The following MYO5A variants were observed in gnomAD, a reference collection of about 807,000 sequenced individuals.
MYO5A encodes the protein myosin VA, also known as unconventional myosin-Va.
A neutral mutation model predicts 249.7 loss-of-function variants in MYO5A; 98 were observed. The ratio of observed to expected loss-of-function variants is 0.39; its 90% CI spans 0.33 to 0.46. The LOEUF is 0.46. MYO5A is among the 20% of genes least tolerant of loss of function. The pLI is 0.98. For missense variants in MYO5A, 1,696 were observed against 2,308.8 expected (o/e 0.73, Z 5.44); for synonymous variants, 778 against 810.6 (o/e 0.96, Z 0.68).
chr15:52,368,378 T>C (rs961711757), intron 22 of MYO5A, among the ~76,000 whole-genome samples: 1 of 152,300 alleles, frequency 6.6e-6, no homozygotes, highest in Non-Finnish European at 1.5e-5. Flanking sequence ...CAATCACCTA[T>C]GGTACTTTTT....
intron 28 of MYO5A, among the ~76,000 whole-genome samples, chr15:52,349,482 C>T (rs1021437625): frequency 6.6e-6 from 1 of 152,058 alleles, no homozygotes; most frequent in African/African-American, 2.4e-5. Flanking sequence ...TCAGTTGGAC[C>T]GGGTCAGCCC....
intron 1 of MYO5A, among the ~76,000 whole-genome samples, chr15:52,519,211 C>T (rs918917965): frequency 1.3e-4 from 20 of 151,952 alleles, no homozygotes; most frequent in South Asian, 2.1e-4. Flanking sequence ...AAGAGAATAA[C>T]GTATGCAAGC....
At chr15:52,475,837 T>C (rs551675852) in intron 1 of MYO5A, among the ~76,000 whole-genome samples, 1 of 152,218 alleles carries the variant, frequency 6.6e-6, no homozygotes, top group Non-Finnish European at 1.5e-5. Context: ...ATAAGTGCAA[T>C]GTGGTGCTGA....
chr15:52,434,013 T>G (rs2075604077), intron 1 of MYO5A, among the ~76,000 whole-genome samples: 1 of 150,402 alleles, frequency 6.6e-6, no homozygotes, highest in South Asian at 2.1e-4. Flanking sequence ...TTTTTTTTTT[T>G]TTTTGAGATA....
At chr15:52,511,703 T>C (rs1407509982) in intron 1 of MYO5A, among the ~76,000 whole-genome samples, 1 of 152,228 alleles carries the variant, frequency 6.6e-6, no homozygotes, top group Non-Finnish European at 1.5e-5. Flanking sequence ...TGATTAATAA[T>C]CTTAACCTAT....
chr15:52,511,392 C>T (rs1229156129), intron 1 of MYO5A, among the ~76,000 whole-genome samples: 1 of 152,226 alleles, frequency 6.6e-6, no homozygotes, highest in African/African-American at 2.4e-5. Flanking sequence ...CATTACTTCT[C>T]CTGATTCAGT....
At chr15:52,356,823 T>C (rs8029205) in intron 25 of MYO5A, among the ~76,000 whole-genome samples, 23,541 of 127,132 alleles carry the variant, frequency 0.19, 3,420 homozygotes, top group East Asian at 0.56. Flanking sequence ...TTTTTTATTT[T>C]CAGGAATTGT....
At chr15:52,427,307 C>A (rs1482810809) in intron 3 of MYO5A, among the ~76,000 whole-genome samples, 2 of 152,070 alleles carry the variant, frequency 1.3e-5, no homozygotes, top group Non-Finnish European at 2.9e-5. Context: ...AAAGACTAAT[C>A]TTTACCCTCA....
chr15:52,418,075 C>T (rs2141258434), intron 4 of MYO5A, among the ~76,000 whole-genome samples: 1 of 152,270 alleles, frequency 6.6e-6, no homozygotes, highest in East Asian at 1.9e-4. Context: ...CTACAGAAGT[C>T]AGGAAGGGTA....
chr15:52,484,800 C>T (rs1369841767), intron 1 of MYO5A, among the ~76,000 whole-genome samples: 2 of 152,134 alleles, frequency 1.3e-5, no homozygotes, highest in Non-Finnish European at 2.9e-5. Context: ...CCCACCACCA[C>T]GCTTGCCACC....
At chr15:52,380,834 C>G (rs1438630852) in intron 16 of MYO5A, among the ~76,000 whole-genome samples, 3 of 152,186 alleles carry the variant, frequency 2.0e-5, no homozygotes, top group Admixed American at 2.0e-4. Flanking sequence ...CATGGCCTGA[C>G]AAGAAGCTCT....
intron 33 of MYO5A, among the ~76,000 whole-genome samples, chr15:52,336,892 T>C (rs1233419917): frequency 6.6e-6 from 1 of 152,202 alleles, no homozygotes; most frequent in Non-Finnish European, 1.5e-5. Context: ...AAAGGAGGAC[T>C]GACTAGGCAA....
At chr15:52,447,354 T>G (rs983833696) in intron 1 of MYO5A, among the ~76,000 whole-genome samples, 1 of 152,076 alleles carries the variant, frequency 6.6e-6, no homozygotes, top group Non-Finnish European at 1.5e-5. Flanking sequence ...CCACCATGAG[T>G]GGAAGCTTCC....
chr15:52,523,799 G>C (rs1381967688), intron 1 of MYO5A, among the ~76,000 whole-genome samples: 3 of 152,212 alleles, frequency 2.0e-5, no homozygotes. Flanking sequence ...CAAATGGAAA[G>C]GGCATGACAG....
At chr15:52,504,448 TG>T (rs955147669) in intron 1 of MYO5A, among the ~76,000 whole-genome samples, 2 of 152,206 alleles carry the variant, frequency 1.3e-5, no homozygotes, top group African/African-American at 4.8e-5. Context: ...TGACTAGAAT[TG>T]ATCTTTCACC....
intron 1 of MYO5A, among the ~76,000 whole-genome samples, chr15:52,437,804 A>G (rs2075699399): frequency 6.6e-6 from 1 of 152,172 alleles, no homozygotes; most frequent in South Asian, 2.1e-4. Flanking sequence ...GATTTCCACA[A>G]GTATTTTGCA....
chr15:52,340,187 T>C lies in MYO5A; in HGVS notation c.4239+9A>G, dbSNP rs377251507. On this transcript the variant is annotated intron_variant, in intron 32 of 41. Coordinates refer to ENST00000399233, the MANE Select transcript of MYO5A (RefSeq NM_001382347.1). ...TTAAGAAGCATGTGGACCCGGCAGCTCTCCTTACCAAGTTTTCGTTGGTCA... is the reference window on the plus strand; with the variant it reads ...TTAAGAAGCATGTGGACCCGGCAGCCCTCCTTACCAAGTTTTCGTTGGTCA... 1 of 1,614,014 alleles carries C rather than the reference T, an allele frequency of 6.2e-7. No individual in the cohort carries two copies. Among genetic ancestry groups the C allele is most frequent in the East Asian group, 2.2e-5 (1 of 44,878 alleles).
chr15:52,528,392 G>T (rs1333621763), intron 1 of MYO5A, among the ~76,000 whole-genome samples: 1 of 152,234 alleles, frequency 6.6e-6, no homozygotes, highest in Non-Finnish European at 1.5e-5. Context: ...CCCCACGAGA[G>T]AACCCATCCG....
intron 27 of MYO5A, 108 bp downstream of exon 27, chr15:52,353,496 TG>T: frequency 1.1e-6 from 1 of 902,010 alleles, no homozygotes; most frequent in Non-Finnish European, 1.9e-6. Flanking sequence ...CTAGGACCTC[TG>T]GTGCAATCTC....
Sources: allele counts gnomAD v4.1 joint callset (sites outside exome capture counted in the v4.1 genomes callset), GRCh38; gene constraint gnomAD v4.1.1; transcripts MANE v1.5; gene names NCBI Gene and HGNC (gene_info 2026-07-23, HGNC 2026-07-21).